C12orf54: variants seen among roughly 807,000 people sequenced by gnomAD.
C12orf54 encodes the protein chromosome 12 open reading frame 54.
In C12orf54, 24 loss-of-function variants were observed where a neutral mutation model predicts 26.4. That is an observed-to-expected ratio of 0.91 (90% CI 0.66 to 1.28). The LOEUF is 1.28. Among genes scored for constraint, C12orf54 ranks in the 50% most tolerant of loss-of-function variants. The probability of loss-of-function intolerance (pLI) is 0.00; values close to 1 mark genes in which losing one functional copy is unlikely to be tolerated. For missense variants in C12orf54, 154 were observed against 150.9 expected, an observed-to-expected ratio of 1.02 and a Z score of -0.11; for synonymous variants, 54 against 47.0, an observed-to-expected ratio of 1.15 and a Z score of -0.61.
the C12orf54 span, among the ~76,000 whole-genome samples, chr12:48,421,832 C>A: frequency 5.9e-5 from 9 of 151,970 alleles, no homozygotes; most frequent in Middle Eastern, 3.2e-3. Context: ...GCCCAGCCAG[C>A]ATTTTGAATT....
chr12:48,470,786 T>A, the C12orf54 span, among the ~76,000 whole-genome samples: 1 of 152,134 alleles, frequency 6.6e-6, no homozygotes. Flanking sequence ...TTCTAGAATT[T>A]GTTTTCAATT....
the C12orf54 span, among the ~76,000 whole-genome samples, chr12:48,455,017 C>G: frequency 6.6e-6 from 1 of 152,098 alleles, no homozygotes; most frequent in African/African-American, 2.4e-5. Context: ...GGGTAAATTG[C>G]GTGTCACTGG....
the C12orf54 span, among the ~76,000 whole-genome samples, chr12:48,443,851 G>GT: frequency 6.6e-6 from 1 of 152,122 alleles, no homozygotes; most frequent in Non-Finnish European, 1.5e-5. Flanking sequence ...TCTATCTTTT[G>GT]TGTTCATACT....
At chr12:48,456,497 G>T in the C12orf54 span, among the ~76,000 whole-genome samples, 7 of 152,184 alleles carry the variant, frequency 4.6e-5, no homozygotes, top group Non-Finnish European at 8.8e-5. Flanking sequence ...AGAGAGATGT[G>T]AACAGGTAGC....
the C12orf54 span, among the ~76,000 whole-genome samples, chr12:48,455,919 C>T: frequency 6.6e-6 from 1 of 152,128 alleles, no homozygotes; most frequent in African/African-American, 2.4e-5. Context: ...TGAATTTTCA[C>T]AATGGTTAAA....
chr12:48,420,773 C>T, the C12orf54 span, among the ~76,000 whole-genome samples: 4 of 152,154 alleles, frequency 2.6e-5, no homozygotes, highest in Non-Finnish European at 5.9e-5. Flanking sequence ...GAAAAACTCC[C>T]CTGCCTTTGG....
At chr12:48,489,263 T>C (rs935444676) in intron 5 of C12orf54, 1 of 549,212 alleles carries the variant, frequency 1.8e-6, no homozygotes, top group Admixed American at 2.3e-5. Context: ...CTGGGGAGAA[T>C]CCCCTAGTGA....
intron 2 of C12orf54, 82 bp from the exon 3 acceptor site, chr12:48,486,096 G>C: frequency 1.5e-6 from 2 of 1,335,088 alleles, no homozygotes; most frequent in Non-Finnish European, 2.1e-6. Context: ...ATTCCTGCTA[G>C]GAGTGATAGA....
chr12:48,449,591 G>T, the C12orf54 span, among the ~76,000 whole-genome samples: 1 of 152,030 alleles, frequency 6.6e-6, no homozygotes, highest in African/African-American at 2.4e-5. Context: ...TTTTCACTAG[G>T]CTTTGTACTC....
the C12orf54 span, chr12:48,472,968 G>T: frequency 2.5e-6 from 4 of 1,614,124 alleles, no homozygotes; most frequent in East Asian, 6.7e-5. Flanking sequence ...CAAAATTAAA[G>T]ACCTCAGCAC....
the C12orf54 span, among the ~76,000 whole-genome samples, chr12:48,422,982 C>CTCT: frequency 6.6e-6 from 1 of 152,086 alleles, no homozygotes; most frequent in African/African-American, 2.4e-5. Flanking sequence ...AATAATAAAG[C>CTCT]CAGACAGCAT....
upstream of C12orf54, among the ~76,000 whole-genome samples, chr12:48,480,696 T>C (rs1954189569): frequency 6.6e-6 from 1 of 152,158 alleles, no homozygotes; most frequent in Non-Finnish European, 1.5e-5. Context: ...CCCATCAATC[T>C]CATTACTTTG....
At chr12:48,436,399 C>T in the C12orf54 span, among the ~76,000 whole-genome samples, 6 of 152,098 alleles carry the variant, frequency 3.9e-5, no homozygotes, top group South Asian at 2.1e-4. Flanking sequence ...CTGCTCTGCA[C>T]CAAGCGGACC....
chr12:48,468,148 A>C, the C12orf54 span, among the ~76,000 whole-genome samples: 2 of 152,230 alleles, frequency 1.3e-5, no homozygotes, highest in Non-Finnish European at 2.9e-5. Context: ...CAAAACTATT[A>C]GGTATTTATA....
chr12:48,493,306 C>G (rs986202226), intron 7 of C12orf54, among the ~76,000 whole-genome samples: 1 of 152,000 alleles, frequency 6.6e-6, no homozygotes, highest in African/African-American at 2.4e-5. Context: ...AGAATGACAG[C>G]TAGGAAAGGA....
intron 5 of C12orf54, among the ~76,000 whole-genome samples, chr12:48,489,455 C>G (rs1368345849): frequency 6.6e-6 from 1 of 152,148 alleles, no homozygotes; most frequent in East Asian, 1.9e-4. Flanking sequence ...GAGACAGGGT[C>G]TCACTCTGTG....
At chr12:48,443,855 T>A in the C12orf54 span, among the ~76,000 whole-genome samples, 43 of 152,338 alleles carry the variant, frequency 2.8e-4, no homozygotes, top group Admixed American at 2.4e-3. Context: ...TCTTTTGTGT[T>A]CATACTGCAA....
At chr12:48,442,130 T>C in the C12orf54 span, 2 of 156,124 alleles carry the variant, frequency 1.3e-5, no homozygotes, top group African/African-American at 4.8e-5. Context: ...CACGCTGTAC[T>C]GCAAGGAGAA....
At chr12:48,477,625 G>T (rs570298382), upstream of C12orf54, among the ~76,000 whole-genome samples, 1 of 152,238 alleles carries the variant, frequency 6.6e-6, no homozygotes, top group South Asian at 2.1e-4. Context: ...ACACCTCTAC[G>T]CAAATAAACT....
Sources: gnomAD v4.1 joint callset for allele counts (sites outside exome capture counted in the v4.1 genomes callset) on GRCh38, gnomAD v4.1.1 for gene constraint, MANE v1.5 for transcripts, NCBI Gene and HGNC (gene_info 2026-07-23, HGNC 2026-07-21) for gene names.